ALDH9A1: variants seen among roughly 807,000 people sequenced by gnomAD.
ALDH9A1 encodes aldehyde dehydrogenase 9 family member A1.
ALDH9A1 carries 42 observed loss-of-function variants against 56.6 expected under a neutral mutation model. That is an observed-to-expected ratio of 0.74 (90% confidence interval 0.58 to 0.96). The LOEUF (loss-of-function observed/expected upper bound fraction) is 0.96, where lower values mean the gene tolerates loss of function less well. Ranked by LOEUF, ALDH9A1 falls within the 40% of genes least tolerant of loss-of-function variation. The probability of loss-of-function intolerance (pLI) is 0.00; values close to 1 mark genes in which losing one functional copy is unlikely to be tolerated. For missense variants in ALDH9A1, 661 were observed against 651.5 expected (o/e 1.01, Z -0.16); for synonymous variants, 242 against 236.0 (o/e 1.03, Z -0.23).
chr1:165,684,668 C>T (rs907658276), intron 2 of ALDH9A1, among the ~76,000 whole-genome samples: 1 of 152,126 alleles, frequency 6.6e-6, no homozygotes, highest in Non-Finnish European at 1.5e-5. Context: ...GTGCATTAAT[C>T]GGTTGAATAA....
At chr1:165,674,315 T>TAAAA (rs56088658) in intron 6 of ALDH9A1, among the ~76,000 whole-genome samples, 2 of 58,054 alleles carry the variant, frequency 3.4e-5, no homozygotes, top group African/African-American at 6.2e-5. Flanking sequence ...TTCCTTTCAC[T>TAAAA]AAAAAAAAAA....
intron 6 of ALDH9A1, chr1:165,676,828 T>A (rs573896615): frequency 9.4e-5 from 34 of 362,772 alleles, no homozygotes; most frequent in South Asian, 8.3e-4. Context: ...CAAAATTGTT[T>A]CTCTTTATTT....
At chr1:165,672,257 GTGTGTGCTGTGTGTGTGTGTA>G (rs1383940904) in intron 6 of ALDH9A1, among the ~76,000 whole-genome samples, 3 of 152,132 alleles carry the variant, frequency 2.0e-5, no homozygotes, top group African/African-American at 7.2e-5. Context: ...AATGTGGTAT[GTGTGTGCTGTGTGTGTGTGTA>G]TGTGTGCTGT....
chr1:165,668,300 A>C lies in ALDH9A1; in HGVS notation c.1207+626T>G, dbSNP rs142664951. ...GGGTCACGGGGCAAATCCCTCATGA[A>C]CGGTTTGATGTCCTCCCCATGGTAA... On this transcript the variant is annotated intron_variant, in intron 8 of 10. Coordinates refer to ENST00000354775, the MANE Select transcript of ALDH9A1 (RefSeq NM_000696.4). Among the ~76,000 whole-genome samples the C allele has an allele frequency of 1.6e-3, 240 of 152,200 alleles. 3 individuals carry two copies. The highest frequency in any genetic ancestry group is 0.01 in the East Asian group (54 of 5,176).
intron 4 of ALDH9A1, among the ~76,000 whole-genome samples, chr1:165,680,999 G>C (rs1464067989): frequency 1.3e-5 from 2 of 152,078 alleles, no homozygotes; most frequent in African/African-American, 4.8e-5. Flanking sequence ...CAGCAAAAGC[G>C]GAAACCCCTG....
At chr1:165,674,920 G>A (rs888296733) in intron 6 of ALDH9A1, among the ~76,000 whole-genome samples, 3 of 152,144 alleles carry the variant, frequency 2.0e-5, no homozygotes, top group Non-Finnish European at 2.9e-5. Flanking sequence ...CATGCCAGGC[G>A]TGGTGGCTCA....
At chr1:165,676,596 G>T (rs12072634) in intron 6 of ALDH9A1, 112,524 of 272,938 alleles carry the variant, frequency 0.41, 24,025 homozygotes, top group Middle Eastern at 0.47. Flanking sequence ...CACATTAAGC[G>T]CTCTAAGACC....
chr1:165,674,418 G>A (rs767854346), intron 6 of ALDH9A1, among the ~76,000 whole-genome samples: 4 of 151,806 alleles, frequency 2.6e-5, no homozygotes, highest in Non-Finnish European at 4.4e-5. Flanking sequence ...AGGGAACAGC[G>A]GCTCATGCCT....
At chr1:165,698,029 TCAAAACAAACAAAAAACAAACAAACAAA>T (rs894292885) in intron 1 of ALDH9A1, among the ~76,000 whole-genome samples, 10 of 151,944 alleles carry the variant, frequency 6.6e-5, no homozygotes, top group Non-Finnish European at 1.3e-4. Flanking sequence ...AGACCCTGTC[TCAAAACAAACAAAAAACAAACAAACAAA>T]CAAAACAAAC....
In ALDH9A1 at chr1:165,683,006, A is replaced by G. The variant is rs115613485; in HGVS notation, c.432T>C (p.Tyr144=). Residue 144 remains tyrosine (Y), a synonymous_variant, in exon 3 of 11, where the codon TAT becomes TAC. Coordinates refer to ENST00000354775, the MANE Select transcript of ALDH9A1 (RefSeq NM_000696.4). ...CAGCCATGGATGCAGCCAAGCCCGC[A>G]TAATACTCCAGGCACTGCCAGGAAA... ...IDISWQCLEY[Y]AGLAASMAGE... is the part of the protein sequence containing the mutation. The G allele has an allele frequency of 1.9e-6, 3 of 1,614,112 alleles. No individual in the cohort carries two copies. Among genetic ancestry groups the G allele is most frequent in the African/African-American group, 2.7e-5 (2 of 75,058 alleles).
intron 6 of ALDH9A1, among the ~76,000 whole-genome samples, chr1:165,677,861 A>C (rs1418361299): frequency 6.8e-6 from 1 of 146,616 alleles, no homozygotes; most frequent in Non-Finnish European, 1.5e-5. Flanking sequence ...CTGTCTCAAA[A>C]AAAAAAAAAA....
chr1:165,679,770 T>C (rs1649485547), intron 5 of ALDH9A1, among the ~76,000 whole-genome samples, 188 bp from the exon 6 acceptor site: 1 of 152,148 alleles, frequency 6.6e-6, no homozygotes. Flanking sequence ...ATCCACAGAG[T>C]TGCACTGACA....
intron 5 of ALDH9A1, among the ~76,000 whole-genome samples, chr1:165,679,814 C>A (rs978942196): frequency 6.6e-6 from 1 of 152,002 alleles, no homozygotes; most frequent in African/African-American, 2.4e-5. Flanking sequence ...AAATATTGTC[C>A]CAGCCTGGGC....
At chr1:165,671,026 G>C (rs186830580) in intron 6 of ALDH9A1, among the ~76,000 whole-genome samples, 1 of 152,212 alleles carries the variant, frequency 6.6e-6, no homozygotes, top group Non-Finnish European at 1.5e-5. Context: ...AGCCGAGATC[G>C]TCCCATTGCA....
intron 7 of ALDH9A1, 107 bp downstream of exon 7, chr1:165,669,155 C>A: frequency 7.5e-7 from 1 of 1,330,432 alleles, no homozygotes; most frequent in African/African-American, 1.5e-5. Context: ...GCTAATAGTC[C>A]AATGAATAAT....
chr1:165,668,864 T>G, intron 8 of ALDH9A1, 62 bp downstream of exon 8: 1 of 1,268,624 alleles, frequency 7.9e-7, no homozygotes. Context: ...TTATAAATAT[T>G]CATCTCTATC....
At chr1:165,668,272 T>G (rs531885885) in intron 8 of ALDH9A1, among the ~76,000 whole-genome samples, 1 of 152,274 alleles carries the variant, frequency 6.6e-6, no homozygotes, top group South Asian at 2.1e-4. Context: ...GTGGGAGGTG[T>G]TTGGGTCACG....
chr1:165,689,369 T>C (rs1649810623), intron 2 of ALDH9A1, among the ~76,000 whole-genome samples: 1 of 152,222 alleles, frequency 6.6e-6, no homozygotes, highest in Non-Finnish European at 1.5e-5. Context: ...ACCTCTTTAC[T>C]TCCTGTTCCT....
In ALDH9A1 at chr1:165,665,149, T is replaced by A. The variant is rs955869829; in HGVS notation, c.1350-19A>T. On this transcript the variant is annotated intron_variant, in intron 9 of 10. Coordinates refer to ENST00000354775, the MANE Select transcript of ALDH9A1 (RefSeq NM_000696.4). ...GATGTCCCTATGAAGAAAAAAAAAA[T>A]GTGTGCATTATTGAGAGTTTCTTAG... 1.3e-6 allele frequency: 2 copies of A among 1,574,350 alleles called. No individual in the cohort carries two copies. The highest frequency in any genetic ancestry group is 2.7e-5 in the African/African-American group (2 of 73,398).
Sources: allele counts gnomAD v4.1 joint callset (sites outside exome capture counted in the v4.1 genomes callset), GRCh38; gene constraint gnomAD v4.1.1; transcripts MANE v1.5; gene names NCBI Gene and HGNC (gene_info 2026-07-23, HGNC 2026-07-21).